The following PDE4D variants were observed in gnomAD, a reference collection of about 807,000 sequenced individuals.
PDE4D encodes phosphodiesterase 4D, also known as 3',5'-cyclic-AMP phosphodiesterase 4D.
A neutral mutation model predicts 87.4 loss-of-function variants in PDE4D; 24 were observed. That is an observed-to-expected ratio of 0.27 (90% CI 0.20 to 0.39). The LOEUF (loss-of-function observed/expected upper bound fraction) is 0.39. PDE4D is among the 10% of genes least tolerant of loss of function. The pLI, the probability that PDE4D is intolerant of heterozygous loss-of-function variation, is 1.00. For synonymous variants in PDE4D, 384 were observed against 383.2 expected (o/e 1.00, Z -0.02); for missense variants, 714 against 1,041.0 (o/e 0.69, Z 4.32).
chr5:59,669,547 GT>G (rs1410318015), intron 1 of PDE4D, among the ~76,000 whole-genome samples: 1 of 152,114 alleles, frequency 6.6e-6, no homozygotes, highest in Admixed American at 6.6e-5. Context: ...TGAAAAATTA[GT>G]TTTCTCCATT....
chr5:60,249,148 A>G (rs1053411404), intron 1 of PDE4D, among the ~76,000 whole-genome samples: 4 of 152,124 alleles, frequency 2.6e-5, no homozygotes, highest in African/African-American at 9.6e-5. Context: ...GTTTCTAGAT[A>G]TTGCAACTCC....
intron 1 of PDE4D, among the ~76,000 whole-genome samples, chr5:60,425,298 A>G (rs1245180607): frequency 1.3e-5 from 2 of 152,252 alleles, no homozygotes; most frequent in South Asian, 2.1e-4. Flanking sequence ...ACAAGGCTAC[A>G]GTAACCAAAA....
intron 1 of PDE4D, among the ~76,000 whole-genome samples, chr5:59,559,416 A>G (rs1337842862): frequency 6.6e-6 from 1 of 152,192 alleles, no homozygotes; most frequent in Admixed American, 6.5e-5. Context: ...CTTCAAAATT[A>G]TTTCATTTAT....
At chr5:59,323,084 T>C (rs1457049434) in intron 1 of PDE4D, among the ~76,000 whole-genome samples, 1 of 152,160 alleles carries the variant, frequency 6.6e-6, no homozygotes, top group Non-Finnish European at 1.5e-5. Context: ...TTCTATTTTA[T>C]TTTGCCTATT....
intron 5 of PDE4D, among the ~76,000 whole-genome samples, chr5:59,128,169 C>A (rs2153449664): frequency 6.6e-6 from 1 of 152,178 alleles, no homozygotes; most frequent in East Asian, 1.9e-4. Context: ...CTAAGACCCT[C>A]TTGTGTAAGT....
At chr5:60,093,273 C>A (rs947486419) in intron 2 of PDE4D, among the ~76,000 whole-genome samples, 4 of 152,190 alleles carry the variant, frequency 2.6e-5, no homozygotes, top group Admixed American at 6.5e-5. Flanking sequence ...TTCATGGGTT[C>A]TCTAAAATTC....
At chr5:59,133,107 C>T (rs546253601) in intron 5 of PDE4D, among the ~76,000 whole-genome samples, 1 of 152,098 alleles carries the variant, frequency 6.6e-6, no homozygotes, top group South Asian at 2.1e-4. Flanking sequence ...TATATATATA[C>T]ACACACTCTT....
At chr5:59,392,335 T>TC (rs5868180) in intron 1 of PDE4D, among the ~76,000 whole-genome samples, 61,240 of 151,456 alleles carry the variant, frequency 0.4, 12,542 homozygotes, top group East Asian at 0.49. Flanking sequence ...TACATCTTTC[T>TC]CCCATGCTGG....
intron 5 of PDE4D, among the ~76,000 whole-genome samples, chr5:59,118,692 G>T (rs1774009461): frequency 6.6e-6 from 1 of 152,230 alleles, no homozygotes; most frequent in Non-Finnish European, 1.5e-5. Flanking sequence ...CCCTGAGGTT[G>T]TTCTCCTCTC....
At chr5:59,278,593 C>T (rs932028198) in intron 1 of PDE4D, among the ~76,000 whole-genome samples, 7 of 151,822 alleles carry the variant, frequency 4.6e-5, no homozygotes, top group African/African-American at 1.7e-4. Context: ...GTCATAACAC[C>T]ACCTTCATAA....
chr5:59,556,930 G>A (rs942909638), intron 1 of PDE4D, among the ~76,000 whole-genome samples: 1 of 151,976 alleles, frequency 6.6e-6, no homozygotes. Flanking sequence ...AAAACAAGTA[G>A]GCAAATACAT....
At chr5:60,116,760 C>T (rs1476571389) in intron 2 of PDE4D, among the ~76,000 whole-genome samples, 1 of 151,886 alleles carries the variant, frequency 6.6e-6, no homozygotes, top group African/African-American at 2.4e-5. Flanking sequence ...AAACTCATTG[C>T]CCATAGGAAA....
intron 2 of PDE4D, among the ~76,000 whole-genome samples, chr5:60,053,610 C>A (rs1770450529): frequency 6.6e-6 from 1 of 152,162 alleles, no homozygotes; most frequent in Non-Finnish European, 1.5e-5. Flanking sequence ...CTAGGCAATA[C>A]TATTATGGAC....
chr5:59,768,480 T>TAA (rs763406941), intron 1 of PDE4D: 4 of 1,598,414 alleles, frequency 2.5e-6, no homozygotes, highest in Non-Finnish European at 3.4e-6. Flanking sequence ...CAGGTACTGT[T>TAA]AAAGTGTCCG....
At chr5:59,415,912 G>T (rs181270491) in intron 1 of PDE4D, among the ~76,000 whole-genome samples, 1 of 152,102 alleles carries the variant, frequency 6.6e-6, no homozygotes, top group African/African-American at 2.4e-5. Flanking sequence ...ATACTCCAGC[G>T]TTGGTCTATA....
chr5:59,196,052 C>G (rs923347049), intron 2 of PDE4D, among the ~76,000 whole-genome samples: 1 of 151,276 alleles, frequency 6.6e-6, no homozygotes, highest in Non-Finnish European at 1.5e-5. Context: ...GAGAGAGGGA[C>G]GATGACAGCA....
chr5:59,397,548 A>G (rs1299529675), intron 1 of PDE4D, among the ~76,000 whole-genome samples: 28 of 111,020 alleles, frequency 2.5e-4, no homozygotes, highest in Admixed American at 3.6e-4. Flanking sequence ...CAAAGACACA[A>G]CATACCAGAA....
chr5:60,448,029 A>C (rs926419411), intron 1 of PDE4D, among the ~76,000 whole-genome samples: 2 of 152,082 alleles, frequency 1.3e-5, no homozygotes, highest in African/African-American at 4.8e-5. Flanking sequence ...TCACTCATAA[A>C]ACTTGCTTGA....
intron 2 of PDE4D, among the ~76,000 whole-genome samples, chr5:60,001,303 A>G (rs1463968698): frequency 2.6e-5 from 4 of 152,218 alleles, no homozygotes; most frequent in Admixed American, 2.0e-4. Flanking sequence ...ACAGACACCA[A>G]TGCAAGCCTA....
Sources: allele counts gnomAD v4.1 joint callset (sites outside exome capture counted in the v4.1 genomes callset), GRCh38; gene constraint gnomAD v4.1.1; transcripts MANE v1.5; gene names NCBI Gene and HGNC (gene_info 2026-07-23, HGNC 2026-07-21).